BTBD8: variants seen among roughly 807,000 people sequenced by gnomAD.
The protein encoded by BTBD8 is BTB domain containing 8.
A neutral mutation model predicts 162.9 loss-of-function variants in BTBD8; 110 were observed. That is an observed-to-expected ratio of 0.68 (90% CI 0.58 to 0.79). The LOEUF is 0.79. BTBD8 is among the 30% of genes least tolerant of loss of function. The probability of loss-of-function intolerance (pLI) is 0.00; values close to 1 mark genes in which losing one functional copy is unlikely to be tolerated. For synonymous variants in BTBD8, 667 were observed against 716.1 expected (o/e 0.93, Z 1.10); for missense variants, 1,905 against 2,085.4 (o/e 0.91, Z 1.68).
At chr1:92,134,896 T>TA (rs376694686) in intron 5 of BTBD8, among the ~76,000 whole-genome samples, 2,494 of 16,970 alleles carry the variant, frequency 0.15, 90 homozygotes, top group African/African-American at 0.46. Flanking sequence ...AATTAATTAA[T>TA]TTTTTTTTTT....
At chr1:92,129,219 A>G (rs886132375) in intron 4 of BTBD8, among the ~76,000 whole-genome samples, 12 of 152,168 alleles carry the variant, frequency 7.9e-5, no homozygotes, top group African/African-American at 2.7e-4. Flanking sequence ...TAAACAATCA[A>G]AATGCTTAGT....
Position 92,117,577 on chromosome 1 carries a change from T to C in BTBD8, c.662+9576T>C, listed in dbSNP as rs538118245. ...CATATAGCTTCCTGGCTTTTATTCT[T>C]TGCCAGGCTTTGTGTAGTTTTACCT... On this transcript the variant is annotated intron_variant, in intron 4 of 17. Transcript: ENST00000636805. Among the ~76,000 whole-genome samples, 8 of 152,152 alleles carry C rather than the reference T, an allele frequency of 5.3e-5. No homozygotes were observed. In the South Asian group the frequency reaches 6.2e-4, roughly 12 times the overall value.
intron 9 of BTBD8, among the ~76,000 whole-genome samples, chr1:92,163,924 C>T (rs966215990): frequency 6.6e-6 from 1 of 152,146 alleles, no homozygotes; most frequent in Non-Finnish European, 1.5e-5. Flanking sequence ...AAAAATGCTA[C>T]TGTCAGAGCA....
At position 92,147,254 on chromosome 1, in the gene BTBD8, T is replaced by C. The variant is rs1301190114; in HGVS notation, c.1005T>C (p.Phe335=). 3.1e-6 allele frequency: 5 copies of C among 1,610,078 alleles called. No individual in the cohort carries two copies. The South Asian group carries it at 5.5e-5, about 18-fold the overall frequency. The part of the protein sequence containing the change: ...IAHSVGVESL[F]ADCMKWIVKH... ...ATTCAGTTGGAGTGGAAAGTCTTTT[T>C]GCTGACTGCATGAAGTAAGTTATGT... The change falls in exon 8 of 18, where the codon TTT becomes TTC. Residue 335 remains phenylalanine, a synonymous_variant. Transcript: ENST00000636805.
chr1:92,132,672 G>A (rs1649540813), intron 5 of BTBD8, among the ~76,000 whole-genome samples: 1 of 152,142 alleles, frequency 6.6e-6, no homozygotes, highest in South Asian at 2.1e-4. Context: ...GGCATGACCA[G>A]GCTCACCCCT....
At chr1:92,119,476 A>G (rs572901575) in intron 4 of BTBD8, among the ~76,000 whole-genome samples, 1 of 151,240 alleles carries the variant, frequency 6.6e-6, no homozygotes, top group Non-Finnish European at 1.5e-5. Flanking sequence ...TGTAGAGACA[A>G]GTTCTTCCTG....
rs945118135 is a variant in BTBD8 at position 92,102,672 on chromosome 1, G to A, written c.544+3G>A. 2 of 1,470,894 alleles carry A rather than the reference G, an allele frequency of 1.4e-6. No individual in the cohort carries two copies. Among genetic ancestry groups the A allele is most frequent in the South Asian group, 3.0e-5 (2 of 67,470 alleles). The allele number at this position is 1,470,894 out of a possible 1,614,324, so 91.1% of individuals were successfully genotyped here. A position where few individuals can be genotyped will look rare whatever the true frequency, so the allele number is the denominator to read the frequency against. ...AGATGATGATTTCATTTCCAATGGT[G>A]AGGTATTTTTTATGGAGTTGTATTT... On this transcript the variant is annotated splice_donor_region_variant and intron_variant, in intron 3 of 17. Coordinates refer to ENST00000636805, the MANE Select transcript of BTBD8 (RefSeq NM_001376131.1).
intron 1 of BTBD8, among the ~76,000 whole-genome samples, chr1:92,082,167 A>T (rs1022811831): frequency 1.3e-5 from 2 of 152,210 alleles, no homozygotes; most frequent in African/African-American, 4.8e-5. Context: ...GGTAGGACTC[A>T]GAACTCTCAA....
At chr1:92,166,230 C>T (rs941669232) in intron 9 of BTBD8, among the ~76,000 whole-genome samples, 2 of 151,938 alleles carry the variant, frequency 1.3e-5, no homozygotes, top group Non-Finnish European at 2.9e-5. Flanking sequence ...TTTAGTCTTT[C>T]CAAATTTGCA....
intron 7 of BTBD8, among the ~76,000 whole-genome samples, chr1:92,146,656 G>C (rs1353997999): frequency 6.6e-6 from 1 of 152,058 alleles, no homozygotes; most frequent in African/African-American, 2.4e-5. Context: ...CCTTTTTACT[G>C]TCTCTGTAGT....
At chr1:92,107,751 T>G (rs1442806796) in intron 3 of BTBD8, 133 bp from the exon 4 acceptor site, 1 of 687,498 alleles carries the variant, frequency 1.5e-6, no homozygotes, top group Non-Finnish European at 2.4e-6. Context: ...TTTTGTTTTA[T>G]TTTTAATTTA....
intron 7 of BTBD8, among the ~76,000 whole-genome samples, chr1:92,142,403 C>A (rs950786120): frequency 1.3e-5 from 2 of 152,154 alleles, no homozygotes; most frequent in Non-Finnish European, 2.9e-5. Flanking sequence ...GTAAAACCAT[C>A]CCACCCTGGA....
chr1:92,178,040 T>C, intron 15 of BTBD8, 142 bp downstream of exon 15: 1 of 571,246 alleles, frequency 1.8e-6, no homozygotes, highest in Non-Finnish European at 3.0e-6. Context: ...AGTTTTTTAT[T>C]TATTAAAAGA....
chr1:92,121,642 T>C (rs1649213305), intron 4 of BTBD8, among the ~76,000 whole-genome samples: 1 of 152,166 alleles, frequency 6.6e-6, no homozygotes, highest in Non-Finnish European at 1.5e-5. Context: ...TTTTGACTAA[T>C]GTATAAACCT....
At chr1:92,147,973 T>A (rs1376230226) in intron 9 of BTBD8, 187 bp downstream of exon 9, 2 of 574,688 alleles carry the variant, frequency 3.5e-6, no homozygotes, top group Non-Finnish European at 6.1e-6. Flanking sequence ...AGCTCATCAG[T>A]CAGGGTTGAA....
chr1:92,093,187 A>AT (rs5776134), intron 2 of BTBD8, among the ~76,000 whole-genome samples: 71,454 of 119,852 alleles, frequency 0.6, 22,671 homozygotes, highest in East Asian at 0.93. Context: ...TGAAATACCA[A>AT]TTTTTTTTTT....
chr1:92,131,125 G>T (rs115234562), intron 5 of BTBD8, among the ~76,000 whole-genome samples: 7 of 152,302 alleles, frequency 4.6e-5, no homozygotes, highest in Admixed American at 6.5e-5. Context: ...GACTATGCTG[G>T]AGACATTTCC....
intron 5 of BTBD8, among the ~76,000 whole-genome samples, chr1:92,130,750 G>A (rs527557124): frequency 3.3e-5 from 5 of 152,260 alleles, no homozygotes; most frequent in African/African-American, 1.2e-4. Flanking sequence ...CCAGGCTGGA[G>A]TCAAGTGGTG....
chr1:92,124,614 C>T (rs573250962), intron 4 of BTBD8, among the ~76,000 whole-genome samples: 6 of 152,272 alleles, frequency 3.9e-5, no homozygotes, highest in Admixed American at 2.0e-4. Flanking sequence ...TGAGGGTGAG[C>T]GCAGTGATTT....
Sources: allele counts gnomAD v4.1 joint callset (sites outside exome capture counted in the v4.1 genomes callset), GRCh38; gene constraint gnomAD v4.1.1; transcripts MANE v1.5; gene names NCBI Gene and HGNC (gene_info 2026-07-23, HGNC 2026-07-21).